MYT1L: variants seen among roughly 807,000 people sequenced by gnomAD.
MYT1L encodes the protein myelin transcription factor 1-like protein.
In MYT1L, 12 loss-of-function variants were observed where a neutral mutation model predicts 126.7. The ratio of observed to expected loss-of-function variants is 0.09; its 90% CI spans 0.06 to 0.15. The LOEUF (loss-of-function observed/expected upper bound fraction) is 0.15. MYT1L is among the 10% of genes least tolerant of loss of function. The pLI is 1.00. For synonymous variants in MYT1L, 541 were observed against 604.2 expected (o/e 0.90, Z 1.53); for missense variants, 979 against 1,585.2 (o/e 0.62, Z 6.49).
At chr2:2,173,100 G>A (rs1478345641) in intron 2 of MYT1L, 112 bp from the exon 3 acceptor site, 1 of 152,220 alleles carries the variant, frequency 6.6e-6, no homozygotes, top group South Asian at 2.1e-4. Context: ...TTTCAAGATA[G>A]GTAACTGCAC....
intron 3 of MYT1L, among the ~76,000 whole-genome samples, chr2:2,095,860 G>A (rs1008159340): frequency 5.9e-5 from 9 of 152,272 alleles, no homozygotes; most frequent in South Asian, 2.1e-4. Flanking sequence ...CAGATACGGC[G>A]TCCTCTGACT....
chr2:2,132,182 C>T (rs1009385400), intron 3 of MYT1L, among the ~76,000 whole-genome samples: 1 of 151,970 alleles, frequency 6.6e-6, no homozygotes, highest in African/African-American at 2.4e-5. Flanking sequence ...GCTGGGATTA[C>T]AGGCATGAGC....
At chr2:2,159,421 G>A (rs192313253) in intron 3 of MYT1L, among the ~76,000 whole-genome samples, 32 of 152,166 alleles carry the variant, frequency 2.1e-4, no homozygotes, top group African/African-American at 5.5e-4. Context: ...GGTGAGAGGC[G>A]CTCAAACCAA....
At position 2,139,123 on chromosome 2, in the gene MYT1L, A is replaced by C. The variant is rs565911326; in HGVS notation, c.-304+33749T>G. 4.0e-5 allele frequency among the ~76,000 whole-genome samples: 6 copies of C among 151,066 alleles called. No individual in the cohort carries two copies. The South Asian group carries it at 6.3e-4, about 16-fold the overall frequency. On this transcript the variant is annotated intron_variant, in intron 3 of 24. Transcript: ENST00000647738. Reference sequence around the variant, plus strand: ...GCATCTGGTCTACCAAGAGGCGTGAATCTAAGAGGACTTCCTGCAACAGAG... The same window carrying C: ...GCATCTGGTCTACCAAGAGGCGTGACTCTAAGAGGACTTCCTGCAACAGAG...
At chr2:2,211,723 T>G (rs2093516230) in intron 2 of MYT1L, among the ~76,000 whole-genome samples, 1 of 149,512 alleles carries the variant, frequency 6.7e-6, no homozygotes, top group Non-Finnish European at 1.5e-5. Context: ...GAGAATCGCT[T>G]GAACCCAGAA....
chr2:2,263,621 G>A (rs2095048103), intron 2 of MYT1L, among the ~76,000 whole-genome samples: 1 of 152,130 alleles, frequency 6.6e-6, no homozygotes, highest in Non-Finnish European at 1.5e-5. Context: ...CCTGTCAGCT[G>A]ATGCAGCTCA....
chr2:2,026,094 T>A (rs1474280758), intron 4 of MYT1L, among the ~76,000 whole-genome samples: 1 of 152,246 alleles, frequency 6.6e-6, no homozygotes, highest in Admixed American at 6.5e-5. Flanking sequence ...ATGCTCTAGT[T>A]AGGGGTCTAG....
At chr2:2,263,953 T>A (rs1265171972) in intron 2 of MYT1L, among the ~76,000 whole-genome samples, 1 of 152,210 alleles carries the variant, frequency 6.6e-6, no homozygotes, top group Non-Finnish European at 1.5e-5. Context: ...ACTCAAAGTA[T>A]AATTTTAAAA....
chr2:2,001,542 C>A (rs761429236), intron 4 of MYT1L, among the ~76,000 whole-genome samples: 3 of 152,162 alleles, frequency 2.0e-5, no homozygotes, highest in African/African-American at 4.8e-5. Flanking sequence ...TGAGTGAGAG[C>A]GTCTCTGCAC....
intron 8 of MYT1L, among the ~76,000 whole-genome samples, chr2:1,946,030 T>C (rs919140907): frequency 1.3e-5 from 2 of 152,284 alleles, no homozygotes; most frequent in Admixed American, 6.5e-5. Flanking sequence ...CGAAGCTTCT[T>C]CTGTATTTAC....
chr2:2,166,800 A>C (rs2089202950), intron 3 of MYT1L, among the ~76,000 whole-genome samples: 1 of 152,194 alleles, frequency 6.6e-6, no homozygotes, highest in Non-Finnish European at 1.5e-5. Context: ...CCACATAAAA[A>C]CATTTTTTTA....
intron 1 of MYT1L, among the ~76,000 whole-genome samples, chr2:2,320,529 G>T (rs2096144983): frequency 6.6e-6 from 1 of 151,286 alleles, no homozygotes; most frequent in Non-Finnish European, 1.5e-5. Flanking sequence ...TTCCCTTGGA[G>T]GGTGGGGGAG....
chr2:1,927,570 A>C (rs1474703728), intron 9 of MYT1L, among the ~76,000 whole-genome samples: 1 of 152,176 alleles, frequency 6.6e-6, no homozygotes, highest in African/African-American at 2.4e-5. Context: ...TGATTCCTGC[A>C]ACATCTAGTC....
intron 3 of MYT1L, among the ~76,000 whole-genome samples, chr2:2,154,047 T>C (rs149740569): frequency 2.4e-4 from 36 of 152,306 alleles, no homozygotes; most frequent in Non-Finnish European, 1.9e-4. Context: ...GGGCTGGCTC[T>C]GGAGCCTTAG....
At chr2:2,052,525 T>C (rs564940350) in intron 4 of MYT1L, among the ~76,000 whole-genome samples, 4 of 152,256 alleles carry the variant, frequency 2.6e-5, no homozygotes, top group East Asian at 3.9e-4. Flanking sequence ...CAGAAGATAT[T>C]TGCAAATCAT....
rs1168400829 is a variant in MYT1L at position 2,092,656 on chromosome 2, T to C, written c.-303-38533A>G. ...TGCAATGAAATAAGGTATGTATGTTTGATTCATCACCACTGAACTCATGGC... is the reference window on the plus strand; with the variant it reads ...TGCAATGAAATAAGGTATGTATGTTCGATTCATCACCACTGAACTCATGGC... On this transcript the variant is annotated intron_variant, in intron 3 of 24. Coordinates refer to ENST00000647738, the MANE Select transcript of MYT1L (RefSeq NM_001303052.2). Among the ~76,000 whole-genome samples, 11 of 152,228 alleles carry C rather than the reference T, an allele frequency of 7.2e-5. 1 individual carries two copies. The highest frequency in any genetic ancestry group is 7.2e-4 in the Admixed American group (11 of 15,288).
intron 23 of MYT1L, among the ~76,000 whole-genome samples, chr2:1,796,347 T>C (rs1328208594): frequency 6.6e-6 from 1 of 152,088 alleles, no homozygotes; most frequent in East Asian, 1.9e-4. Context: ...GGTGGAAGGG[T>C]GTAACCCCAA....
At chr2:1,872,659 A>C (rs1329747765) in intron 18 of MYT1L, among the ~76,000 whole-genome samples, 1 of 152,148 alleles carries the variant, frequency 6.6e-6, no homozygotes, top group Non-Finnish European at 1.5e-5. Context: ...AAGTGGGATA[A>C]ATTTTAGTTT....
At chr2:2,288,684 A>G (rs2095557028) in intron 1 of MYT1L, among the ~76,000 whole-genome samples, 1 of 152,226 alleles carries the variant, frequency 6.6e-6, no homozygotes, top group African/African-American at 2.4e-5. Flanking sequence ...AAAATGTAAT[A>G]TCACATATGT....
Sources: gnomAD v4.1 joint callset for allele counts (sites outside exome capture counted in the v4.1 genomes callset) on GRCh38, gnomAD v4.1.1 for gene constraint, MANE v1.5 for transcripts, NCBI Gene and HGNC (gene_info 2026-07-23, HGNC 2026-07-21) for gene names.